CELF4: variants seen among roughly 807,000 people sequenced by gnomAD.
CELF4 encodes the protein CUGBP Elav-like family member 4, also known as CUG-BP- and ETR-3-like factor 4.
CELF4 carries 18 observed loss-of-function variants against 59.9 expected under a neutral mutation model. The ratio of observed to expected loss-of-function variants is 0.30; its 90% CI spans 0.21 to 0.45. CELF4 has a LOEUF of 0.45. Ranked by LOEUF, CELF4 falls within the 20% of genes least tolerant of loss-of-function variation. The pLI is 1.00. For missense variants in CELF4, 456 were observed against 689.0 expected (o/e 0.66, Z 3.79); for synonymous variants, 261 against 267.1 (o/e 0.98, Z 0.22).
At chr18:37,497,308 C>A (rs962223797) in intron 1 of CELF4, among the ~76,000 whole-genome samples, 13 of 152,148 alleles carry the variant, frequency 8.5e-5, no homozygotes, top group African/African-American at 2.9e-4. Context: ...ATTTCGCAAC[C>A]ATTTATTGAT....
At chr18:37,396,309 G>A (rs1318016708) in intron 2 of CELF4, among the ~76,000 whole-genome samples, 1 of 152,224 alleles carries the variant, frequency 6.6e-6, no homozygotes, top group Non-Finnish European at 1.5e-5. Context: ...TGACCACACA[G>A]CACATGCTAC....
rs1341306011 is a variant in CELF4 at position 37,246,811 on chromosome 18, T to G, written c.*45-1614A>C. On this transcript the variant is annotated intron_variant, in intron 12 of 12. Coordinates refer to ENST00000420428, the MANE Select transcript of CELF4 (RefSeq NM_020180.4). The surrounding 1 kb of genome is among the most constrained non-coding windows in gnomAD (Gnocchi z 5.3). Reference sequence around the variant, plus strand: ...GTTTGCACAGGTAAATGATCCCATGTTTGATAATTCAGGAATTCATCTTTA... The same window carrying G: ...GTTTGCACAGGTAAATGATCCCATGGTTGATAATTCAGGAATTCATCTTTA... 2 of 152,354 alleles carry G rather than the reference T, an allele frequency of 1.3e-5. No homozygotes were observed. The highest frequency in any genetic ancestry group is 3.9e-4 in the East Asian group (2 of 5,188). The allele number at this position is 152,354 out of a possible 1,614,324, so 9.4% of individuals were successfully genotyped here. A position where few individuals can be genotyped will look rare whatever the true frequency, so the allele number is the denominator to read the frequency against.
At chr18:37,418,636 G>T (rs2099548277) in intron 2 of CELF4, among the ~76,000 whole-genome samples, 1 of 152,228 alleles carries the variant, frequency 6.6e-6, no homozygotes, top group Non-Finnish European at 1.5e-5. Flanking sequence ...AAGTCACTTG[G>T]CCTCGCTTAC....
intron 2 of CELF4, among the ~76,000 whole-genome samples, chr18:37,362,908 C>A (rs2098728285): frequency 6.6e-6 from 1 of 152,200 alleles, no homozygotes; most frequent in African/African-American, 2.4e-5. Context: ...TAGGTCTGGA[C>A]CAGAGAGATG....
chr18:37,453,574 G>A (rs1229140055), intron 2 of CELF4, among the ~76,000 whole-genome samples: 1 of 152,164 alleles, frequency 6.6e-6, no homozygotes, highest in African/African-American at 2.4e-5. Context: ...CCCTTGAACT[G>A]GGAAAGATTT....
At chr18:37,353,690 C>T (rs1261933426) in intron 2 of CELF4, among the ~76,000 whole-genome samples, 8 of 135,244 alleles carry the variant, frequency 5.9e-5, no homozygotes, top group African/African-American at 2.3e-4. Context: ...ATGAGTTTAC[C>T]TTTAACCCTG....
intron 1 of CELF4, among the ~76,000 whole-genome samples, chr18:37,486,853 C>T (rs924904423): frequency 1.3e-5 from 2 of 152,192 alleles, no homozygotes; most frequent in Admixed American, 1.3e-4. Context: ...CCTGGTATAC[C>T]CCTCTTCCCC....
At chr18:37,330,689 T>C (rs2097509478) in intron 2 of CELF4, among the ~76,000 whole-genome samples, 2 of 152,328 alleles carry the variant, frequency 1.3e-5, no homozygotes, top group South Asian at 4.2e-4. Flanking sequence ...ACTGACCAAA[T>C]GATGACTGAA....
chr18:37,273,448 T>C, intron 6 of CELF4: 1 of 1,159,798 alleles, frequency 8.6e-7, no homozygotes, highest in South Asian at 3.2e-5. Context: ...TGGGTGCTAG[T>C]CAGCCCTGTG....
At chr18:37,404,543 C>T (rs1405223765) in intron 2 of CELF4, among the ~76,000 whole-genome samples, 1 of 152,192 alleles carries the variant, frequency 6.6e-6, no homozygotes, top group African/African-American at 2.4e-5. Context: ...AGGGCCCTCC[C>T]GAAGCCATGG....
intron 1 of CELF4, among the ~76,000 whole-genome samples, chr18:37,559,971 T>C (rs1220460048): frequency 1.8e-4 from 28 of 152,214 alleles, no homozygotes; most frequent in Admixed American, 1.8e-3. Flanking sequence ...TTCCTTTGCG[T>C]TGTTTTATGG....
chr18:37,406,022 T>C (rs1016810358), intron 2 of CELF4, among the ~76,000 whole-genome samples: 12 of 152,222 alleles, frequency 7.9e-5, no homozygotes, highest in African/African-American at 2.7e-4. Flanking sequence ...CTCTCTCTCT[T>C]TTTTAATAAA....
chr18:37,470,873 T>TGAGAGAGA (rs1569569543), intron 2 of CELF4, among the ~76,000 whole-genome samples: 2 of 104,038 alleles, frequency 1.9e-5, no homozygotes, highest in Non-Finnish European at 4.1e-5. Context: ...TGTGTGTGTG[T>TGAGAGAGA]GTGTGTGTGT....
intron 1 of CELF4, chr18:37,528,951 C>T (rs1263845992): frequency 6.6e-6 from 1 of 152,116 alleles, no homozygotes; most frequent in African/African-American, 2.4e-5. Flanking sequence ...AGGTAATAGA[C>T]AGCAAACAAA....
intron 1 of CELF4, among the ~76,000 whole-genome samples, chr18:37,504,536 T>G (rs964925440): frequency 1.3e-5 from 2 of 152,008 alleles, no homozygotes; most frequent in African/African-American, 4.8e-5. Flanking sequence ...GGCAGGTTTC[T>G]TAGCTGCTTT....
At chr18:37,248,714 A>G (rs1275293713) in intron 12 of CELF4, among the ~76,000 whole-genome samples, 1 of 152,222 alleles carries the variant, frequency 6.6e-6, no homozygotes, top group East Asian at 1.9e-4. Context: ...AGGTGATTCA[A>G]CTTTCGGCTG....
intron 7 of CELF4, 142 bp from the exon 8 acceptor site, chr18:37,271,059 T>C: frequency 6.0e-6 from 4 of 669,796 alleles, no homozygotes; most frequent in East Asian, 2.8e-5. Flanking sequence ...TTCAATCTTA[T>C]CTATGACCCA....
At chr18:37,342,711 C>T (rs542475596) in intron 2 of CELF4, among the ~76,000 whole-genome samples, 20 of 152,328 alleles carry the variant, frequency 1.3e-4, no homozygotes, top group African/African-American at 4.3e-4. Flanking sequence ...AACCTCCATG[C>T]CTCCATGTGG....
At chr18:37,534,991 C>T (rs528779755) in intron 1 of CELF4, among the ~76,000 whole-genome samples, 4 of 152,316 alleles carry the variant, frequency 2.6e-5, no homozygotes, top group African/African-American at 4.8e-5. Context: ...CAAAGGCTTG[C>T]GATGTCTACA....
Sources: gnomAD v4.1 joint callset for allele counts (sites outside exome capture counted in the v4.1 genomes callset) on GRCh38, gnomAD v4.1.1 for gene constraint, Gnocchi (gnomAD v3.1) non-coding constraint, MANE v1.5 for transcripts, NCBI Gene and HGNC (gene_info 2026-07-23, HGNC 2026-07-21) for gene names.